PIEZO2: variants seen among roughly 807,000 people sequenced by gnomAD.
PIEZO2 encodes piezo type mechanosensitive ion channel component 2, also known as piezo-type mechanosensitive ion channel component 2.
PIEZO2 carries 172 observed loss-of-function variants against 337.3 expected under a neutral mutation model. That is an observed-to-expected ratio of 0.51 (90% CI 0.45 to 0.58). The LOEUF (loss-of-function observed/expected upper bound fraction) is 0.58, where lower values mean the gene tolerates loss of function less well. Ranked by LOEUF, PIEZO2 falls within the 20% of genes least tolerant of loss-of-function variation. The pLI is 0.00. For synonymous variants in PIEZO2, 1,251 were observed against 1,228.5 expected (o/e 1.02, Z -0.38); for missense variants, 3,028 against 3,391.3 (o/e 0.89, Z 2.66).
chr18:11,109,528 CAAGA>C lies in PIEZO2; in HGVS notation c.64+38993_64+38996del, dbSNP rs570198504. On this transcript the variant is annotated intron_variant, in intron 1 of 55. Transcript: ENST00000674853. The surrounding 1 kb of genome is among the most constrained non-coding windows in gnomAD (Gnocchi z 5.1). ...GTCAGGGGTTTGAGACGACCCTGGCCAAGATGGCGAAACCCCGTCTCTACTGAAA... is the reference window on the plus strand; with the variant it reads ...GTCAGGGGTTTGAGACGACCCTGGCCTGGCGAAACCCCGTCTCTACTGAAA... Among the ~76,000 whole-genome samples the C allele has an allele frequency of 0.037, 5,604 of 152,120 alleles. 140 individuals carry two copies. Among genetic ancestry groups the C allele is most frequent in the East Asian group, 0.075 (385 of 5,162 alleles).
chr18:10,863,198 A>T lies in PIEZO2; in HGVS notation c.493-5987T>A, dbSNP rs2041920696. Among the ~76,000 whole-genome samples the T allele has an allele frequency of 6.6e-6, 1 of 152,214 alleles. No homozygotes were observed. The highest frequency in any genetic ancestry group is 2.1e-4 in the South Asian group (1 of 4,828). On this transcript the variant is annotated intron_variant, in intron 5 of 55. Transcript: ENST00000674853. The surrounding 1 kb of genome is among the most constrained non-coding windows in gnomAD (Gnocchi z 4.3). ...GGGTTCATCTCAATACAAGAGCCAGAGGAAGGAAAAGACAAGGTTGTGACT... is the reference window on the plus strand; with the variant it reads ...GGGTTCATCTCAATACAAGAGCCAGTGGAAGGAAAAGACAAGGTTGTGACT...
chr18:11,057,873 G>C (rs113128775), intron 2 of PIEZO2, among the ~76,000 whole-genome samples: 1 of 152,152 alleles, frequency 6.6e-6, no homozygotes, highest in Admixed American at 6.5e-5. Context: ...ATATCTAACT[G>C]CTGATCATCT....
chr18:10,742,355 G>T, intron 32 of PIEZO2, 139 bp downstream of exon 32: 1 of 972,472 alleles, frequency 1.0e-6, no homozygotes, highest in South Asian at 1.8e-5. Context: ...TTCACAATGG[G>T]AAAATAAAGC....
At chr18:10,720,030 T>C (rs536435799) in intron 36 of PIEZO2, among the ~76,000 whole-genome samples, 1 of 152,098 alleles carries the variant, frequency 6.6e-6, no homozygotes, top group South Asian at 2.1e-4. Context: ...TCTGAGGAAG[T>C]ACATCTTGAG....
At chr18:10,816,545 T>C (rs889129628) in intron 7 of PIEZO2, among the ~76,000 whole-genome samples, 1 of 152,208 alleles carries the variant, frequency 6.6e-6, no homozygotes, top group Non-Finnish European at 1.5e-5. Flanking sequence ...AAGACTTTTA[T>C]AAACAAAAGT....
rs1411832333 is a variant in PIEZO2 at position 11,148,894 on chromosome 18, T to C, written c.-306A>G. The C allele has an allele frequency of 1.8e-5, 6 of 342,266 alleles. No homozygotes were observed. The highest frequency in any genetic ancestry group is 3.1e-5 in the Non-Finnish European group (6 of 192,022). The allele number at this position is 342,266 out of a possible 1,614,324, so 21.2% of individuals were successfully genotyped here. A position where few individuals can be genotyped will look rare whatever the true frequency, so the allele number is the denominator to read the frequency against. On this transcript the variant is annotated 5_prime_UTR_variant, in exon 1 of 56. Coordinates refer to ENST00000674853, the MANE Select transcript of PIEZO2 (RefSeq NM_001378183.1). This position sits in a 1 kb window ranked among gnomAD's most constrained non-coding sequence, Gnocchi z 5.2. ...TCCTGGATCCGGCAGCGGCGGCGGC[T>C]TCTTCAGGGGTAGCTGATGCCGGGG...
Position 11,148,715 on chromosome 18 carries a change from T to A in PIEZO2, c.-127A>T. The A allele has an allele frequency of 9.8e-7, 1 of 1,023,210 alleles. No homozygotes were observed. Among genetic ancestry groups the A allele is most frequent in the Non-Finnish European group, 1.4e-6 (1 of 704,084 alleles). The allele number at this position is 1,023,210 out of a possible 1,614,324, so 63.4% of individuals were successfully genotyped here. A position where few individuals can be genotyped will look rare whatever the true frequency, so the allele number is the denominator to read the frequency against. On this transcript the variant is annotated 5_prime_UTR_variant, in exon 1 of 56. Transcript: ENST00000674853. The surrounding 1 kb of genome is among the most constrained non-coding windows in gnomAD (Gnocchi z 5.2). ...AGCTCGCAGCCACCCGAGCATCGCC[T>A]CGGCGCGGGCCGCGACGCTCTCCGC...
rs868755982 is a variant in PIEZO2, at chr18:10,764,976, T to C, written c.2947-1878A>G. On this transcript the variant is annotated intron_variant, in intron 21 of 55. Coordinates refer to ENST00000674853, the MANE Select transcript of PIEZO2 (RefSeq NM_001378183.1). ...GAAATTAACTCAGTTATGTCTGTTA[T>C]TATGTATCTAAGGCCTTTAGTAAAG... Among the ~76,000 whole-genome samples, 8 of 152,248 alleles carry C rather than the reference T, an allele frequency of 5.3e-5. No individual in the cohort carries two copies. The South Asian group carries it at 1.4e-3, about 28-fold the overall frequency.
rs749257673 is a variant in PIEZO2, at chr18:10,750,105, T to C, written c.4250A>G (p.Lys1417Arg). The change falls in exon 29 of 56, where the codon AAA becomes AGA. Residue 1417 changes from lysine (K) to arginine (R), a missense_variant. Coordinates refer to ENST00000674853, the MANE Select transcript of PIEZO2 (RefSeq NM_001378183.1). The surrounding 1 kb of genome is among the most constrained non-coding windows in gnomAD (Gnocchi z 4.1). ...IQAFSLACTV[K>R]GYQMPAANSP... is the part of the protein sequence containing the mutation. Reference sequence around the variant, plus strand: ...TTCATACTTACGCATTTGATAGCCTTTGACTGTGCAGGCCAGGCTGAAAGC... The same window carrying C: ...TTCATACTTACGCATTTGATAGCCTCTGACTGTGCAGGCCAGGCTGAAAGC... 901 of 1,536,614 alleles carry C rather than the reference T, an allele frequency of 5.9e-4. 2 individuals are homozygous for C. The highest frequency in any genetic ancestry group is 7.2e-4 in the Non-Finnish European group (829 of 1,146,436).
intron 2 of PIEZO2, among the ~76,000 whole-genome samples, chr18:11,046,782 G>A (rs2037333959): frequency 6.6e-6 from 1 of 152,228 alleles, no homozygotes; most frequent in Non-Finnish European, 1.5e-5. Context: ...GGCAGGCCAG[G>A]ACTTGACAGA....
rs111319895 is a variant in PIEZO2 at position 10,726,665 on chromosome 18, C to A, written c.5029+4742G>T. The A allele has an allele frequency of 3.5e-6, 5 of 1,426,326 alleles. No individual in the cohort carries two copies. Among genetic ancestry groups the A allele is most frequent in the Non-Finnish European group, 4.8e-6 (5 of 1,041,914 alleles). 88.4% of individuals were successfully genotyped at this position (1,426,326 alleles called of 1,614,324 possible). A position where few individuals can be genotyped will look rare whatever the true frequency, so the allele number is the denominator to read the frequency against. The stretch of plus-strand genomic sequence containing the variant: ...CGCGCCAAGCGCGGCCAGACAGACA[C>A]CTCGCTGCCAAGTTAATTCAGCAAG... On this transcript the variant is annotated intron_variant, in intron 36 of 55. Transcript: ENST00000674853. The surrounding 1 kb of genome is among the most constrained non-coding windows in gnomAD (Gnocchi z 5.9).
chr18:10,806,597 A>C (rs2040010318), intron 8 of PIEZO2, among the ~76,000 whole-genome samples: 1 of 151,988 alleles, frequency 6.6e-6, no homozygotes, highest in African/African-American at 2.4e-5. Flanking sequence ...ACAGGCTAAG[A>C]GCGCTGGAGG....
chr18:10,769,992 C>T, intron 21 of PIEZO2, 156 bp downstream of exon 21: 1 of 750,744 alleles, frequency 1.3e-6, no homozygotes, highest in Non-Finnish European at 2.0e-6. Context: ...GTGCTGCTGA[C>T]CCTCGGATTT....
chr18:10,771,000 G>A (rs1010747633), intron 20 of PIEZO2, among the ~76,000 whole-genome samples: 1 of 152,082 alleles, frequency 6.6e-6, no homozygotes, highest in East Asian at 1.9e-4. Context: ...CAAAGTGCTG[G>A]GAGTACAGGC....
In PIEZO2 at chr18:10,773,881, T is replaced by C. The variant is rs1428963253; in HGVS notation, c.2567+125A>G. ...TCGGGTTCTAGTGATTAGTTGGTAATGAGAGCTATCAACACCTAAACTTGA... is the reference window on the plus strand; with the variant it reads ...TCGGGTTCTAGTGATTAGTTGGTAACGAGAGCTATCAACACCTAAACTTGA... On this transcript the variant is annotated intron_variant, in intron 19 of 55. Coordinates refer to ENST00000674853, the MANE Select transcript of PIEZO2 (RefSeq NM_001378183.1). The surrounding 1 kb of genome is among the most constrained non-coding windows in gnomAD (Gnocchi z 5.3). 1.9e-5 allele frequency: 12 copies of C among 635,714 alleles called. No individual in the cohort carries two copies. Among genetic ancestry groups the C allele is most frequent in the Admixed American group, 5.4e-5 (2 of 37,254 alleles). The allele number at this position is 635,714 out of a possible 1,614,324, so 39.4% of individuals were successfully genotyped here.
At chr18:10,958,968 T>C (rs2033654789) in intron 3 of PIEZO2, among the ~76,000 whole-genome samples, 1 of 152,176 alleles carries the variant, frequency 6.6e-6, no homozygotes, top group Non-Finnish European at 1.5e-5. Flanking sequence ...CTACCATGAC[T>C]CAAAGCTAAT....
At chr18:10,997,007 A>G (rs991073798) in intron 2 of PIEZO2, among the ~76,000 whole-genome samples, 1 of 152,200 alleles carries the variant, frequency 6.6e-6, no homozygotes, top group Non-Finnish European at 1.5e-5. Context: ...TTATAAATCA[A>G]TAAGAGTCCC....
rs927757825 is a variant in PIEZO2 at position 10,863,071 on chromosome 18, G to T, written c.493-5860C>A. On this transcript the variant is annotated intron_variant, in intron 5 of 55. Transcript: ENST00000674853. This position sits in a 1 kb window ranked among gnomAD's most constrained non-coding sequence, Gnocchi z 4.3. ...GAAGTGTATCAAAGTCATGTATAAT[G>T]AGCCAAAAGATCTGGGAGGCAAAAG... 6.6e-6 allele frequency among the ~76,000 whole-genome samples: 1 copy of T among 152,148 alleles called. No individual in the cohort carries two copies. The highest frequency in any genetic ancestry group is 2.4e-5 in the African/African-American group (1 of 41,424).
In PIEZO2 at chr18:10,862,728, A is replaced by C. The variant is rs918215729; in HGVS notation, c.493-5517T>G. Among the ~76,000 whole-genome samples, 1 of 152,248 alleles carries C rather than the reference A, an allele frequency of 6.6e-6. No individual in the cohort carries two copies. Among genetic ancestry groups the C allele is most frequent in the African/African-American group, 2.4e-5 (1 of 41,466 alleles). ...AGAAATTATGGGAATGAATTCCAGG[A>C]AGCTGTATGATTAAAGTACTCTCTG... On this transcript the variant is annotated intron_variant, in intron 5 of 55. Coordinates refer to ENST00000674853, the MANE Select transcript of PIEZO2 (RefSeq NM_001378183.1). The surrounding 1 kb of genome is among the most constrained non-coding windows in gnomAD (Gnocchi z 4.4).
Sources: allele counts gnomAD v4.1 joint callset (sites outside exome capture counted in the v4.1 genomes callset), GRCh38; gene constraint gnomAD v4.1.1; non-coding constraint Gnocchi (gnomAD v3.1); transcripts MANE v1.5; gene names NCBI Gene and HGNC (gene_info 2026-07-23, HGNC 2026-07-21).